SERINC5: variants seen among roughly 807,000 people sequenced by gnomAD.
SERINC5 encodes the protein chromosome 5 open reading frame 12.
SERINC5 carries 41 observed loss-of-function variants against 63.1 expected under a neutral mutation model. The observed-to-expected ratio is 0.65, with a 90% CI of 0.51 to 0.84. The LOEUF (loss-of-function observed/expected upper bound fraction) is 0.84. Ranked by LOEUF, SERINC5 falls within the 40% of genes least tolerant of loss-of-function variation. The probability of loss-of-function intolerance (pLI) is 0.00; values close to 1 mark genes in which losing one functional copy is unlikely to be tolerated. For missense variants in SERINC5, 523 were observed against 573.0 expected (o/e 0.91, Z 0.89); for synonymous variants, 222 against 215.2 (o/e 1.03, Z -0.28).
downstream of SERINC5, among the ~76,000 whole-genome samples, chr5:80,135,406 T>A (rs138023233): frequency 8.8e-3 from 1,338 of 152,208 alleles, 25 homozygotes; most frequent in African/African-American, 0.03. Flanking sequence ...CAGGTCCAGC[T>A]GTGTGTGGAT....
Position 80,188,201 on chromosome 5 carries a change from T to C in SERINC5, c.196-10137A>G, listed in dbSNP as rs533325952. 7.1e-4 allele frequency among the ~76,000 whole-genome samples: 106 copies of C among 149,952 alleles called. No homozygotes were observed. The South Asian group carries it at 8.4e-3, about 12-fold the overall frequency. The stretch of plus-strand genomic sequence containing the variant: ...GGGAGGCTGAGACAGGAGAATCGCT[T>C]GAACCCGGGAGGCGGGGTTTGCAGT... On this transcript the variant is annotated intron_variant, in intron 2 of 11. Transcript: ENST00000507668.
chr5:80,252,161 A>C (rs539634064), intron 1 of SERINC5, among the ~76,000 whole-genome samples: 158 of 149,334 alleles, frequency 1.1e-3, no homozygotes, highest in South Asian at 2.7e-3. Context: ...TTCCAAGTTC[A>C]AGTGATTCTG....
Position 80,177,304 on chromosome 5 carries a change from C to A in SERINC5, c.457+11G>T. The stretch of plus-strand genomic sequence containing the variant: ...CAAAATAAACAGATACCCAAAATAC[C>A]CCATTAGTACCGTTCAGAAAGGTGT... On this transcript the variant is annotated intron_variant, in intron 4 of 11. Coordinates refer to ENST00000507668, the MANE Select transcript of SERINC5 (RefSeq NM_001174072.3). 6.3e-7 allele frequency: 1 copy of A among 1,584,380 alleles called. No individual in the cohort carries two copies. Among genetic ancestry groups the A allele is most frequent in the Non-Finnish European group, 8.6e-7 (1 of 1,160,328 alleles).
chr5:80,199,289 T>C (rs1749689313), intron 2 of SERINC5, among the ~76,000 whole-genome samples: 1 of 152,192 alleles, frequency 6.6e-6, no homozygotes, highest in South Asian at 2.1e-4. Context: ...GGTACTTAAA[T>C]GGCTCGATGT....
intron 2 of SERINC5, among the ~76,000 whole-genome samples, chr5:80,201,794 C>T (rs1749852828): frequency 6.6e-6 from 1 of 152,210 alleles, no homozygotes; most frequent in Admixed American, 6.5e-5. Context: ...AAATCCACCC[C>T]TCACCCATGA....
At chr5:80,154,449 G>A (rs1010385546) in intron 8 of SERINC5, among the ~76,000 whole-genome samples, 5 of 152,146 alleles carry the variant, frequency 3.3e-5, no homozygotes, top group African/African-American at 1.2e-4. Flanking sequence ...AAGGTGCTGG[G>A]ATTACAGGCG....
At chr5:80,116,354 C>G (rs947847721) in intron 11 of SERINC5, 2 of 456,032 alleles carry the variant, frequency 4.4e-6, no homozygotes, top group African/African-American at 4.0e-5. Flanking sequence ...AAAATCTCAC[C>G]TTGTGTTCCC....
intron 11 of SERINC5, among the ~76,000 whole-genome samples, chr5:80,120,497 A>T (rs2112231936): frequency 6.6e-6 from 1 of 152,230 alleles, no homozygotes; most frequent in South Asian, 2.1e-4. Context: ...CTCATATACC[A>T]TATTAGGTTA....
Position 80,177,950 on chromosome 5 carries a change from TAAAG to T in SERINC5, c.306_309del (p.Phe102LeufsTer6). On this transcript the variant is annotated frameshift_variant, in exon 3 of 12. Coordinates refer to ENST00000507668, the MANE Select transcript of SERINC5 (RefSeq NM_001174072.3). LOFTEE classifies it high-confidence loss of function. ...ATTTTCAAGGTCAGTAGACAGAAGA[TAAAG>T]AAGAAACAAGCCATTCCAAAACAGA... 6.2e-7 allele frequency: 1 copy of T among 1,611,054 alleles called. No individual in the cohort carries two copies. Among genetic ancestry groups the T allele is most frequent in the Non-Finnish European group, 8.5e-7 (1 of 1,178,752 alleles).
intron 1 of SERINC5, among the ~76,000 whole-genome samples, chr5:80,244,994 C>A (rs910134890): frequency 6.6e-6 from 1 of 152,310 alleles, no homozygotes; most frequent in Admixed American, 6.5e-5. Context: ...GATCTTCGAT[C>A]TTCCTCTCTC....
chr5:80,126,664 A>G (rs1208956011), intron 11 of SERINC5, among the ~76,000 whole-genome samples: 2 of 152,232 alleles, frequency 1.3e-5, no homozygotes, highest in African/African-American at 4.8e-5. Context: ...TTCCAATATT[A>G]AAAACAAGTT....
chr5:80,232,265 G>A (rs6873320), intron 1 of SERINC5, among the ~76,000 whole-genome samples: 65,509 of 151,026 alleles, frequency 0.43, 14,561 homozygotes, highest in African/African-American at 0.53. Flanking sequence ...AAAGCCGGGC[G>A]TGGTGGCAGG....
At chr5:80,160,683 ACCAT>A (rs1467810470) in intron 7 of SERINC5, among the ~76,000 whole-genome samples, 1 of 151,890 alleles carries the variant, frequency 6.6e-6, no homozygotes, top group Admixed American at 6.6e-5. Flanking sequence ...GTAATTTCTC[ACCAT>A]CCATCCCCTC....
intron 1 of SERINC5, among the ~76,000 whole-genome samples, chr5:80,253,340 A>G (rs1422766060): frequency 3.3e-5 from 5 of 152,182 alleles, no homozygotes; most frequent in Non-Finnish European, 4.4e-5. Flanking sequence ...AGCCTAGAAC[A>G]CTGCTTGCCC....
At chr5:80,170,620 A>G (rs1196568010) in intron 5 of SERINC5, among the ~76,000 whole-genome samples, 2 of 152,196 alleles carry the variant, frequency 1.3e-5, no homozygotes, top group Non-Finnish European at 2.9e-5. Flanking sequence ...CTGACTATGA[A>G]CCACCGTGGG....
intron 2 of SERINC5, among the ~76,000 whole-genome samples, chr5:80,192,435 AT>A (rs5869024): frequency 0.21 from 30,108 of 146,854 alleles, 3,044 homozygotes; most frequent in South Asian, 0.23. Flanking sequence ...CCCATATGTC[AT>A]TTTTTTTTTT....
intron 9 of SERINC5, among the ~76,000 whole-genome samples, chr5:80,148,647 GAC>G (rs917946224): frequency 2.6e-5 from 4 of 151,146 alleles, no homozygotes; most frequent in Non-Finnish European, 5.9e-5. Context: ...CAGCCTGGGT[GAC>G]AGAGTGAGGC....
chr5:80,209,196 G>A (rs998013657), intron 1 of SERINC5, among the ~76,000 whole-genome samples: 10 of 152,228 alleles, frequency 6.6e-5, no homozygotes, highest in East Asian at 1.9e-4. Context: ...GCTTGAACCC[G>A]GGGGGCAGAG....
chr5:80,184,339 A>ATCTT (rs1489983468), intron 2 of SERINC5, among the ~76,000 whole-genome samples: 1 of 152,122 alleles, frequency 6.6e-6, no homozygotes, highest in Non-Finnish European at 1.5e-5. Context: ...ATACCAGCCC[A>ATCTT]TCTTTCACCT....
Sources: allele counts gnomAD v4.1 joint callset (sites outside exome capture counted in the v4.1 genomes callset), GRCh38; gene constraint gnomAD v4.1.1; transcripts MANE v1.5; gene names NCBI Gene and HGNC (gene_info 2026-07-23, HGNC 2026-07-21).